The following STXBP6 variants were observed in gnomAD, a reference collection of about 807,000 sequenced individuals.
STXBP6 encodes the protein syntaxin binding protein 6, also known as syntaxin-binding protein 6.
Under a neutral mutation model 26.9 loss-of-function variants are expected in STXBP6, and 21 were observed. The ratio of observed to expected loss-of-function variants is 0.78; its 90% CI spans 0.55 to 1.12. The LOEUF (loss-of-function observed/expected upper bound fraction) is 1.12. Ranked by LOEUF, STXBP6 falls within the 50% of genes most tolerant of loss-of-function variation. The pLI is 0.00. For synonymous variants in STXBP6, 97 were observed against 92.6 expected (o/e 1.05, Z -0.27); for missense variants, 232 against 257.9 (o/e 0.90, Z 0.69).
chr14:24,856,985 G>T (rs2069357018), intron 3 of STXBP6, 42 bp downstream of exon 3: 2 of 1,598,758 alleles, frequency 1.3e-6, no homozygotes, highest in Admixed American at 3.4e-5. Flanking sequence ...GAGTCATCTT[G>T]TGAAAAGAAT....
chr14:24,996,205 G>A (rs565235870), intron 1 of STXBP6, among the ~76,000 whole-genome samples: 1 of 152,244 alleles, frequency 6.6e-6, no homozygotes, highest in African/African-American at 2.4e-5. Flanking sequence ...TACATTAAAT[G>A]TACTTATGAA....
At chr14:24,985,069 C>T (rs2074297577) in intron 1 of STXBP6, among the ~76,000 whole-genome samples, 1 of 152,194 alleles carries the variant, frequency 6.6e-6, no homozygotes, top group South Asian at 2.1e-4. Context: ...CCAGCAGCTA[C>T]AAAGATAACA....
At chr14:24,960,838 A>T (rs894176945) in intron 2 of STXBP6, among the ~76,000 whole-genome samples, 1 of 152,248 alleles carries the variant, frequency 6.6e-6, no homozygotes, top group Non-Finnish European at 1.5e-5. Flanking sequence ...CGTCAGAGAG[A>T]CATGTATCTT....
chr14:24,943,809 G>T (rs1010400712), intron 2 of STXBP6, among the ~76,000 whole-genome samples: 4 of 152,080 alleles, frequency 2.6e-5, no homozygotes, highest in Non-Finnish European at 4.4e-5. Context: ...AATTTTGAAC[G>T]GTAGGAGCTC....
intron 4 of STXBP6, among the ~76,000 whole-genome samples, chr14:24,827,678 A>G (rs2068328617): frequency 6.6e-6 from 1 of 152,196 alleles, no homozygotes; most frequent in African/African-American, 2.4e-5. Context: ...CTGGACAAAG[A>G]TAGTAGCCTG....
At chr14:24,894,155 G>A (rs1234442612) in intron 2 of STXBP6, among the ~76,000 whole-genome samples, 1 of 152,190 alleles carries the variant, frequency 6.6e-6, no homozygotes, top group Non-Finnish European at 1.5e-5. Flanking sequence ...TTTTTGCAGA[G>A]TTGAGGATTG....
chr14:24,855,827 G>T, intron 4 of STXBP6, 109 bp downstream of exon 4: 1 of 1,048,614 alleles, frequency 9.5e-7, no homozygotes, highest in Non-Finnish European at 1.4e-6. Context: ...TGAGCATATT[G>T]ATTCTTCTCC....
rs549864334 is a variant in STXBP6, at chr14:24,845,294, G to A, written c.451+10642C>T. On this transcript the variant is annotated intron_variant, in intron 4 of 5. Transcript: ENST00000323944. ...CCCAAAGTGCTGGGATTACAGGCAT[G>A]AGCCACCGCGCCTGGCCATCAAAAG... 1.2e-3 allele frequency among the ~76,000 whole-genome samples: 177 copies of A among 152,254 alleles called. 3 individuals carry two copies. Among genetic ancestry groups the A allele is most frequent in the Middle Eastern group, 6.8e-3 (2 of 294 alleles).
In STXBP6 at chr14:25,049,164, T is replaced by C; in HGVS notation, c.-33+714A>G. The stretch of plus-strand genomic sequence containing the variant: ...GTGGGGTGGTGAGGTGGCGGGGTGT[T>C]GTAAACCTGAGGAAAGGTTGGAGGG... On this transcript the variant is annotated intron_variant, in intron 1 of 5. Transcript: ENST00000323944. The surrounding 1 kb of genome is among the most constrained non-coding windows in gnomAD (Gnocchi z 5.6). 1 of 985,470 alleles carries C rather than the reference T, an allele frequency of 1.0e-6. No homozygotes were observed. Among genetic ancestry groups the C allele is most frequent in the Non-Finnish European group, 1.2e-6 (1 of 830,038 alleles). The allele number at this position is 985,470 out of a possible 1,614,324, so 61.0% of individuals were successfully genotyped here.
At chr14:25,025,631 A>C (rs1398220789) in intron 1 of STXBP6, among the ~76,000 whole-genome samples, 1 of 152,114 alleles carries the variant, frequency 6.6e-6, no homozygotes, top group African/African-American at 2.4e-5. Context: ...CTGTTTCCTT[A>C]CTCATTGCCA....
chr14:24,995,882 CTG>C (rs1282476028), intron 1 of STXBP6, among the ~76,000 whole-genome samples: 1 of 152,134 alleles, frequency 6.6e-6, no homozygotes, highest in African/African-American at 2.4e-5. Flanking sequence ...TACTTTATTA[CTG>C]TCTTTTCACA....
At chr14:25,032,073 GA>G (rs1406201840) in intron 1 of STXBP6, among the ~76,000 whole-genome samples, 1 of 152,038 alleles carries the variant, frequency 6.6e-6, no homozygotes. Flanking sequence ...GACAGAGATG[GA>G]AAAAATAAAG....
chr14:24,996,011 T>G lies in STXBP6; in HGVS notation c.-32-21161A>C, dbSNP rs137957231. ...AAAAATCTTTATGTTGATCTATATA[T>G]GTAGATTTACTATATAAATTGTAGA... On this transcript the variant is annotated intron_variant, in intron 1 of 5. Coordinates refer to ENST00000323944, the MANE Select transcript of STXBP6 (RefSeq NM_001394410.1). Among the ~76,000 whole-genome samples the G allele has an allele frequency of 5.3e-3, 807 of 152,328 alleles. 10 individuals carry two copies. Among genetic ancestry groups the G allele is most frequent in the African/African-American group, 0.019 (777 of 41,574 alleles).
At chr14:25,039,738 G>C (rs978891622) in intron 1 of STXBP6, among the ~76,000 whole-genome samples, 1 of 148,066 alleles carries the variant, frequency 6.8e-6, no homozygotes, top group Non-Finnish European at 1.5e-5. Flanking sequence ...ACGGAGTCTC[G>C]CTCTGTTGCC....
intron 2 of STXBP6, among the ~76,000 whole-genome samples, chr14:24,945,139 AT>A (rs552562019): frequency 0.013 from 1,313 of 100,332 alleles, 11 homozygotes; most frequent in Non-Finnish European, 0.018. Flanking sequence ...CCAATTAGGA[AT>A]TTTTTTTTTT....
At chr14:24,900,380 C>G (rs1276098363) in intron 2 of STXBP6, among the ~76,000 whole-genome samples, 3 of 152,198 alleles carry the variant, frequency 2.0e-5, no homozygotes. Context: ...CAACAGAACT[C>G]TCTGAACTAC....
intron 2 of STXBP6, among the ~76,000 whole-genome samples, chr14:24,929,156 G>A (rs527534459): frequency 6.6e-6 from 1 of 152,286 alleles, no homozygotes; most frequent in South Asian, 2.1e-4. Flanking sequence ...AGCACAAACT[G>A]GATATCTGAA....
intron 2 of STXBP6, among the ~76,000 whole-genome samples, chr14:24,970,158 T>G (rs545373795): frequency 6.6e-6 from 1 of 152,186 alleles, no homozygotes; most frequent in Admixed American, 6.5e-5. Context: ...GGAGAACTGC[T>G]TGAACCCGGG....
intron 1 of STXBP6, among the ~76,000 whole-genome samples, chr14:25,036,677 A>C (rs1371308677): frequency 5.3e-5 from 8 of 151,950 alleles, no homozygotes. Flanking sequence ...ACAGAGTGAA[A>C]CCCCGTCTCT....
Sources: allele counts gnomAD v4.1 joint callset (sites outside exome capture counted in the v4.1 genomes callset), GRCh38; gene constraint gnomAD v4.1.1; non-coding constraint Gnocchi (gnomAD v3.1); transcripts MANE v1.5; gene names NCBI Gene and HGNC (gene_info 2026-07-23, HGNC 2026-07-21).